ZNF765: variants seen among roughly 807,000 people sequenced by gnomAD.
ZNF765 encodes the protein zinc finger protein 765.
Under a neutral mutation model 44.7 loss-of-function variants are expected in ZNF765, and 37 were observed. The ratio of observed to expected loss-of-function variants is 0.83; its 90% CI spans 0.64 to 1.09. The LOEUF (loss-of-function observed/expected upper bound fraction) is 1.09, where lower values mean the gene tolerates loss of function less well. Ranked by LOEUF, ZNF765 falls within the 50% of genes least tolerant of loss-of-function variation. The pLI, the probability that ZNF765 is intolerant of heterozygous loss-of-function variation, is 0.00. For synonymous variants in ZNF765, 201 were observed against 213.7 expected (o/e 0.94, Z 0.52); for missense variants, 594 against 626.1 (o/e 0.95, Z 0.55).
intron 1 of ZNF765, among the ~76,000 whole-genome samples, chr19:53,396,702 G>T (rs2085674371): frequency 6.6e-6 from 1 of 152,202 alleles, no homozygotes; most frequent in South Asian, 2.1e-4. Flanking sequence ...CTAGGCAGAG[G>T]AAAACTTGTT....
rs1217605182 is a variant in ZNF765 at position 53,398,011 on chromosome 19, C to T, written c.-5C>T. On this transcript the variant is annotated 5_prime_UTR_variant, in exon 2 of 4. Transcript: ENST00000396408. ...AAGAGGAAGAGGAAAGCAAAGGAGT[C>T]AGGGATGGCTCTTCCTCAGGTGAGA... The T allele has an allele frequency of 1.2e-5, 19 of 1,613,380 alleles. No homozygotes were observed. The highest frequency in any genetic ancestry group is 1.6e-5 in the Non-Finnish European group (19 of 1,179,932).
intron 3 of ZNF765, among the ~76,000 whole-genome samples, chr19:53,405,751 A>T (rs72626268): frequency 6.6e-6 from 1 of 150,750 alleles, no homozygotes; most frequent in African/African-American, 2.4e-5. Context: ...CAATATGAAC[A>T]TTCAGACCAG....
Position 53,408,368 on chromosome 19 carries a change from C to A in ZNF765, c.813C>A (p.Tyr271Ter). ...GATGTCACACTGGTGAGAAACCTTA[C>A]AAGTGTAATGAGTGTGGCAAGACCT... is the stretch of plus-strand genomic sequence containing the variant. ...HRRCHTGEKPYKCNECGKTFS... is the reference protein window; with the variant it reads ...HRRCHTGEKP Residue 271 changes from tyrosine (Y) to a stop codon, truncating the protein, a stop_gained, in exon 4 of 4, where the codon TAC becomes TAA. Coordinates refer to ENST00000396408, the MANE Select transcript of ZNF765 (RefSeq NM_001040185.3). LOFTEE classifies it high-confidence loss of function. 2 of 1,614,206 alleles carry A rather than the reference C, an allele frequency of 1.2e-6. No homozygotes were observed. The highest frequency in any genetic ancestry group is 1.7e-6 in the Non-Finnish European group (2 of 1,180,022).
intron 2 of ZNF765, 145 bp downstream of exon 2, chr19:53,398,175 C>G: frequency 6.7e-7 from 1 of 1,490,606 alleles, no homozygotes; most frequent in Non-Finnish European, 9.3e-7. Context: ...TCCCTCTTAT[C>G]TTGCTTAGAT....
At chr19:53,404,992 C>A (rs2085761198) in intron 3 of ZNF765, among the ~76,000 whole-genome samples, 1 of 152,118 alleles carries the variant, frequency 6.6e-6, no homozygotes, top group Admixed American at 6.5e-5. Flanking sequence ...CCAAGGTGGG[C>A]AGATCGCTTG....
Position 53,409,967 on chromosome 19 carries a change from C to A in ZNF765, c.*840C>A. The A allele has an allele frequency of 1.8e-6, 1 of 560,180 alleles. No individual in the cohort carries two copies. Among genetic ancestry groups the A allele is most frequent in the South Asian group, 1.5e-5 (1 of 68,182 alleles). The allele number at this position is 560,180 out of a possible 1,614,324, so 34.7% of individuals were successfully genotyped here. A position where few individuals can be genotyped will look rare whatever the true frequency, so the allele number is the denominator to read the frequency against. ...GAGTAATGCTACAACTATTGCAAAT[C>A]ATTGGAGAATCCATAATGAAGAGAG... On this transcript the variant is annotated 3_prime_UTR_variant, in exon 4 of 4. Coordinates refer to ENST00000396408, the MANE Select transcript of ZNF765 (RefSeq NM_001040185.3).
chr19:53,417,536 G>A (rs1335526879), intron 3 of ZNF765, among the ~76,000 whole-genome samples: 3 of 152,172 alleles, frequency 2.0e-5, no homozygotes, highest in African/African-American at 7.2e-5. Flanking sequence ...TGGGTGATGG[G>A]CATTTTGGTT....
intron 3 of ZNF765, among the ~76,000 whole-genome samples, chr19:53,420,646 T>G (rs138148756): frequency 0.012 from 1,846 of 152,294 alleles, 11 homozygotes; most frequent in Non-Finnish European, 0.016. Flanking sequence ...GAAATGCTGT[T>G]AATCTGTAAC....
At chr19:53,415,516 GACT>G (rs2085869690), downstream of ZNF765, among the ~76,000 whole-genome samples, 1 of 152,104 alleles carries the variant, frequency 6.6e-6, no homozygotes. Context: ...AGATATAAAT[GACT>G]ACTTTTTATT....
rs367681789 is a variant in ZNF765 at position 53,409,046 on chromosome 19, A to C, written c.1491A>C (p.Glu497Asp). 1.6e-4 allele frequency: 265 copies of C among 1,613,940 alleles called. No individual in the cohort carries two copies. Among genetic ancestry groups the C allele is most frequent in the Non-Finnish European group, 2.1e-4 (251 of 1,180,012 alleles). ...LHTGQKPYKC[E>D]DCDEAFSFKS... ...CTGGACAGAAACCTTACAAATGTGA[A>C]GATTGTGATGAAGCTTTCAGTTTCA... Residue 497 changes from glutamate (E) to aspartate (D), a missense_variant, in exon 4 of 4, where the codon GAA becomes GAC. By Grantham distance (45) the Glu-to-Asp change is conservative. Coordinates refer to ENST00000396408, the MANE Select transcript of ZNF765 (RefSeq NM_001040185.3).
chr19:53,407,216 G>C (rs2085783731), intron 3 of ZNF765, among the ~76,000 whole-genome samples: 2 of 152,084 alleles, frequency 1.3e-5, no homozygotes, highest in Admixed American at 1.3e-4. Flanking sequence ...TCTTCTCAGT[G>C]CTATGATTGT....
chr19:53,409,024 G>A lies in ZNF765; in HGVS notation c.1469G>A (p.Gly490Glu). Residue 490 changes from glycine to glutamate, a missense_variant, in exon 4 of 4, where the codon GGA becomes GAA. Transcript: ENST00000396408. ...SLTYHHRLHT[G>E]QKPYKCEDCD... ...ACATACCATCATAGACTTCATACTG[G>A]ACAGAAACCTTACAAATGTGAAGAT... The A allele has an allele frequency of 6.2e-7, 1 of 1,603,806 alleles. No individual in the cohort carries two copies. The highest frequency in any genetic ancestry group is 8.5e-7 in the Non-Finnish European group (1 of 1,172,924).
At chr19:53,412,493 T>G (rs1600062309), downstream of ZNF765, among the ~76,000 whole-genome samples, 1 of 152,292 alleles carries the variant, frequency 6.6e-6, no homozygotes, top group East Asian at 1.9e-4. Context: ...AATTTCACAG[T>G]TTTTGCACCA....
chr19:53,414,963 G>A (rs1415366220), downstream of ZNF765, among the ~76,000 whole-genome samples: 3 of 152,246 alleles, frequency 2.0e-5, no homozygotes, highest in African/African-American at 4.8e-5. Flanking sequence ...TAGATCTATT[G>A]CAACTGTTAT....
downstream of ZNF765, among the ~76,000 whole-genome samples, chr19:53,412,237 G>T (rs983540020): frequency 2.0e-5 from 3 of 152,174 alleles, no homozygotes; most frequent in Non-Finnish European, 2.9e-5. Context: ...TATGATGACT[G>T]GATTTTGAAT....
chr19:53,420,658 C>A (rs2085901480), intron 3 of ZNF765, among the ~76,000 whole-genome samples: 1 of 152,130 alleles, frequency 6.6e-6, no homozygotes, highest in African/African-American at 2.4e-5. Context: ...ATCTGTAACC[C>A]TAGCCCCAAC....
At chr19:53,422,599 C>T (rs1457992748) in intron 3 of ZNF765, among the ~76,000 whole-genome samples, 1 of 151,940 alleles carries the variant, frequency 6.6e-6, no homozygotes, top group Non-Finnish European at 1.5e-5. Context: ...TATTTTGAGA[C>T]GGTGTCACTT....
rs2085810496 is a variant in ZNF765 at position 53,409,208 on chromosome 19, ATG to A, written c.*82_*83del. On this transcript the variant is annotated 3_prime_UTR_variant, in exon 4 of 4. Transcript: ENST00000396408. ...CATAGTGGAGAGAAACCTTACAAAT[ATG>A]AAGAACTTGACAAAGCTTACAATTT... 1.5e-6 allele frequency: 2 copies of A among 1,300,638 alleles called. No homozygotes were observed. The highest frequency in any genetic ancestry group is 1.2e-5 in the South Asian group (1 of 83,364). The allele number at this position is 1,300,638 out of a possible 1,614,324, so 80.6% of individuals were successfully genotyped here. A position where few individuals can be genotyped will look rare whatever the true frequency, so the allele number is the denominator to read the frequency against.
intron 2 of ZNF765, among the ~76,000 whole-genome samples, chr19:53,399,241 C>T (rs374606761): frequency 7.6e-6 from 1 of 131,882 alleles, no homozygotes; most frequent in Non-Finnish European, 1.6e-5. Flanking sequence ...CCCCCTCCCC[C>T]ACCCCACAAC....
Sources: gnomAD v4.1 joint callset for allele counts (sites outside exome capture counted in the v4.1 genomes callset) on GRCh38, gnomAD v4.1.1 for gene constraint, MANE v1.5 for transcripts, NCBI Gene and HGNC (gene_info 2026-07-23, HGNC 2026-07-21) for gene names.